Variants in CD2AP observed in about 807,000 individuals in gnomAD.
The protein encoded by CD2AP is CD2 associated protein.
CD2AP carries 46 observed loss-of-function variants against 85.1 expected under a neutral mutation model. That is an observed-to-expected ratio of 0.54 (90% CI 0.43 to 0.69). The LOEUF (loss-of-function observed/expected upper bound fraction) is 0.69, where lower values mean the gene tolerates loss of function less well. CD2AP is among the 30% of genes least tolerant of loss of function. The pLI, the probability that CD2AP is intolerant of heterozygous loss-of-function variation, is 0.00. For synonymous variants in CD2AP, 255 were observed against 252.9 expected, an observed-to-expected ratio of 1.01 and a Z score of -0.08; for missense variants, 769 against 729.5, an observed-to-expected ratio of 1.05 and a Z score of -0.62.
At chr6:47,580,477 AC>A (rs1394873388) in intron 9 of CD2AP, among the ~76,000 whole-genome samples, 10 of 143,946 alleles carry the variant, frequency 6.9e-5, no homozygotes, top group Non-Finnish European at 1.2e-4. Flanking sequence ...AAAAAAAAAA[AC>A]GGTCTCTCCC....
chr6:47,494,258 T>C (rs1765801271), intron 1 of CD2AP, among the ~76,000 whole-genome samples: 1 of 152,170 alleles, frequency 6.6e-6, no homozygotes, highest in South Asian at 2.1e-4. Flanking sequence ...GCCAGGGGGT[T>C]CACATTCCTG....
chr6:47,488,109 A>AATCAATAATCAGTGATGTTAAGC (rs1183669532), intron 1 of CD2AP, among the ~76,000 whole-genome samples: 2 of 151,340 alleles, frequency 1.3e-5, no homozygotes, highest in African/African-American at 4.9e-5. Flanking sequence ...TTTAATAGAG[A>AATCAATAATCAGTGATGTTAAGC]ATCAATAATC....
chr6:47,598,519 G>A (rs576244550), intron 12 of CD2AP, among the ~76,000 whole-genome samples: 5 of 150,908 alleles, frequency 3.3e-5, no homozygotes, highest in Non-Finnish European at 5.9e-5. Context: ...ATGAATCAAC[G>A]AGTGAATAAA....
At chr6:47,570,411 T>C (rs1327252490) in intron 5 of CD2AP, among the ~76,000 whole-genome samples, 3 of 152,172 alleles carry the variant, frequency 2.0e-5, no homozygotes, top group Admixed American at 6.6e-5. Flanking sequence ...GACAATCAGA[T>C]GGGTAAAGTA....
chr6:47,537,744 C>T (rs1767090944), intron 3 of CD2AP, among the ~76,000 whole-genome samples: 1 of 151,824 alleles, frequency 6.6e-6, no homozygotes, highest in Non-Finnish European at 1.5e-5. Context: ...ACAGTTTGAG[C>T]CTTTCACTTA....
At chr6:47,595,349 G>A (rs111239873) in intron 11 of CD2AP, among the ~76,000 whole-genome samples, 297 of 151,878 alleles carry the variant, frequency 2.0e-3, no homozygotes, top group African/African-American at 6.9e-3. Flanking sequence ...TAATTCTCTC[G>A]TCTGTGGCTA....
chr6:47,622,634 G>A (rs1769786120), intron 17 of CD2AP, among the ~76,000 whole-genome samples: 1 of 152,138 alleles, frequency 6.6e-6, no homozygotes, highest in Non-Finnish European at 1.5e-5. Context: ...GTGTGTGTTC[G>A]GGAGAGGAGG....
chr6:47,478,718 CA>C (rs1374618350), intron 1 of CD2AP, among the ~76,000 whole-genome samples: 1 of 152,026 alleles, frequency 6.6e-6, no homozygotes, highest in Non-Finnish European at 1.5e-5. Flanking sequence ...TAAATTTGTT[CA>C]AAAACTTTTT....
intron 2 of CD2AP, among the ~76,000 whole-genome samples, chr6:47,507,145 C>T (rs1399324923): frequency 6.6e-6 from 1 of 152,200 alleles, no homozygotes; most frequent in Non-Finnish European, 1.5e-5. Flanking sequence ...AGCAACTCCT[C>T]ATCTGTCCAT....
rs201673149 is a variant in CD2AP, at chr6:47,595,919, C to G, written c.1167C>G (p.Pro389=). 7.5e-5 allele frequency: 121 copies of G among 1,612,626 alleles called. 1 individual carries two copies. Among genetic ancestry groups the G allele is most frequent in the South Asian group, 2.4e-4 (22 of 91,040 alleles). ...AACCAGCAGCTCCACAAGTCCCACC[C>G]AAGAAACCTACTCCACCTACCAAAG... is the stretch of plus-strand genomic sequence containing the variant. ...PSKPAAPQVP[P]KKPTPPTKAS... The change falls in exon 12 of 18, where the codon CCC becomes CCG. Residue 389 remains proline, a synonymous_variant. Transcript: ENST00000359314.
Position 47,574,069 on chromosome 6 carries a change from G to C in CD2AP, c.547G>C (p.Val183Leu). Residue 183 changes from valine to leucine, a missense_variant, in exon 6 of 18, where the codon GTT (valine) becomes CTT (leucine). Val to Leu is a conservative substitution (Grantham distance 32, BLOSUM62 1). Coordinates refer to ENST00000359314, the MANE Select transcript of CD2AP (RefSeq NM_012120.3). ...AAAACAAATTATTGTTTCAGAAACT[G>C]TTTTGGCTGGGCCTACTTCACCTAT... is the stretch of plus-strand genomic sequence containing the variant. Reference protein sequence around the residue: ...THEAQDDSETVLAGPTSPIPS... With the variant: ...THEAQDDSETLLAGPTSPIPS... The C allele has an allele frequency of 6.2e-7, 1 of 1,613,880 alleles. No homozygotes were observed. Among genetic ancestry groups the C allele is most frequent in the Non-Finnish European group, 8.5e-7 (1 of 1,179,840 alleles).
At chr6:47,597,528 A>G (rs1768984592) in intron 12 of CD2AP, among the ~76,000 whole-genome samples, 1 of 151,040 alleles carries the variant, frequency 6.6e-6, no homozygotes, top group Non-Finnish European at 1.5e-5. Context: ...TGAGCAGGAG[A>G]TTGAACATCT....
chr6:47,505,614 CGG>C (rs1162276194), intron 2 of CD2AP, among the ~76,000 whole-genome samples: 58 of 52,376 alleles, frequency 1.1e-3, no homozygotes, highest in South Asian at 3.3e-3. Context: ...GCTGGCCGGG[CGG>C]GGGGGGCTGA....
intron 17 of CD2AP, among the ~76,000 whole-genome samples, chr6:47,620,943 A>G (rs1389630518): frequency 1.3e-5 from 2 of 152,238 alleles, no homozygotes; most frequent in Middle Eastern, 3.4e-3. Context: ...GAGCTTTCTG[A>G]AGGAGTCTTG....
chr6:47,533,105 T>A (rs956087068), intron 2 of CD2AP, among the ~76,000 whole-genome samples: 2 of 152,210 alleles, frequency 1.3e-5, no homozygotes, highest in African/African-American at 4.8e-5. Flanking sequence ...CATATAAAAT[T>A]ATTTGAAATT....
At chr6:47,618,522 T>C (rs943598290) in intron 17 of CD2AP, among the ~76,000 whole-genome samples, 4 of 152,198 alleles carry the variant, frequency 2.6e-5, no homozygotes, top group African/African-American at 7.2e-5. Context: ...ATTAGATATC[T>C]AATAAATTAT....
chr6:47,571,045 T>C (rs1768137443), intron 5 of CD2AP, among the ~76,000 whole-genome samples: 1 of 152,162 alleles, frequency 6.6e-6, no homozygotes, highest in Non-Finnish European at 1.5e-5. Context: ...TTTTATGGCC[T>C]TAATCAAATA....
At chr6:47,543,186 G>GTT (rs1767277429) in intron 3 of CD2AP, among the ~76,000 whole-genome samples, 1 of 74,274 alleles carries the variant, frequency 1.3e-5, no homozygotes, top group Non-Finnish European at 3.6e-5. Flanking sequence ...AAAGAAAAAA[G>GTT]AAAAAAAAGA....
chr6:47,485,997 A>G (rs1033109612), intron 1 of CD2AP, among the ~76,000 whole-genome samples: 5 of 152,146 alleles, frequency 3.3e-5, no homozygotes, highest in Admixed American at 6.5e-5. Flanking sequence ...ATGCATCCCC[A>G]TTGTTAAGTG....
Sources: gnomAD v4.1 joint callset for allele counts (sites outside exome capture counted in the v4.1 genomes callset) on GRCh38, gnomAD v4.1.1 for gene constraint, MANE v1.5 for transcripts, NCBI Gene and HGNC (gene_info 2026-07-23, HGNC 2026-07-21) for gene names.